Variants in DUSP16 observed in about 807,000 individuals in gnomAD.
The protein encoded by DUSP16 is dual specificity phosphatase 16, also known as dual specificity protein phosphatase 16.
Under a neutral mutation model 58.3 loss-of-function variants are expected in DUSP16, and 21 were observed. The ratio of observed to expected loss-of-function variants is 0.36; its 90% CI spans 0.26 to 0.52. The LOEUF (loss-of-function observed/expected upper bound fraction) is 0.52, where lower values mean the gene tolerates loss of function less well. DUSP16 is among the 20% of genes least tolerant of loss of function. DUSP16 has a pLI of 0.94. For synonymous variants in DUSP16, 320 were observed against 323.8 expected, an observed-to-expected ratio of 0.99 and a Z score of 0.12; for missense variants, 726 against 819.0, an observed-to-expected ratio of 0.89 and a Z score of 1.39.
intron 1 of DUSP16, among the ~76,000 whole-genome samples, chr12:12,557,741 T>C (rs1944830401): frequency 6.6e-6 from 1 of 152,200 alleles, no homozygotes; most frequent in African/African-American, 2.4e-5. Flanking sequence ...TTTAATGTAC[T>C]GTTTACTTGT....
chr12:12,554,600 G>C (rs989488052), intron 1 of DUSP16: 2 of 152,016 alleles, frequency 1.3e-5, no homozygotes, highest in African/African-American at 4.8e-5. Context: ...TCCCACTTCT[G>C]TGTGTTTGTG....
intron 3 of DUSP16, among the ~76,000 whole-genome samples, chr12:12,513,040 G>C (rs1306005104): frequency 6.6e-6 from 1 of 152,192 alleles, no homozygotes; most frequent in Non-Finnish European, 1.5e-5. Context: ...ACTGTCATCA[G>C]AATCTAGATC....
intron 1 of DUSP16, among the ~76,000 whole-genome samples, chr12:12,538,321 G>A (rs1197365057): frequency 6.6e-6 from 1 of 152,144 alleles, no homozygotes; most frequent in African/African-American, 2.4e-5. Context: ...GAGGAGAAAT[G>A]GGAAGTCAGT....
chr12:12,511,846 A>AGCTGGACCTGGTGGTGGAGTGAGT (rs1439877199), intron 3 of DUSP16, among the ~76,000 whole-genome samples: 1 of 151,814 alleles, frequency 6.6e-6, no homozygotes, highest in Non-Finnish European at 1.5e-5. Flanking sequence ...AAAGGGCTGA[A>AGCTGGACCTGGTGGTGGAGTGAGT]GAATATGCTG....
At chr12:12,524,629 T>C (rs1325828502) in intron 1 of DUSP16, among the ~76,000 whole-genome samples, 1 of 152,220 alleles carries the variant, frequency 6.6e-6, no homozygotes. Flanking sequence ...AAGCTAATCT[T>C]ACCCAGAATT....
chr12:12,477,059 C>T lies in DUSP16; in HGVS notation c.1772G>A (p.Gly591Glu). The stretch of plus-strand genomic sequence containing the variant: ...CCTGCGCACAGAATAGACTTGGTCT[C>T]CGCAAGTGGGCAGCTGGCTGCAGCT... ...AYSCSQLPTC[G>E]DQVYSVRRRQ... Residue 591 changes from glycine to glutamate, a missense_variant, in exon 7 of 7, where the codon GGA (glycine) becomes GAA (glutamate). Gly to Glu is a moderately conservative substitution (Grantham distance 98). Coordinates refer to ENST00000298573, the MANE Select transcript of DUSP16 (RefSeq NM_030640.3). This position sits in a 1 kb window ranked among gnomAD's most constrained non-coding sequence, Gnocchi z 4.1. 1.9e-6 allele frequency: 3 copies of T among 1,614,276 alleles called. No homozygotes were observed. The highest frequency in any genetic ancestry group is 1.3e-5 in the African/African-American group (1 of 75,074).
At chr12:12,493,784 T>C (rs771486794) in intron 4 of DUSP16, among the ~76,000 whole-genome samples, 1 of 152,182 alleles carries the variant, frequency 6.6e-6, no homozygotes, top group Non-Finnish European at 1.5e-5. Context: ...TTAGGCCACT[T>C]TGATCACCCA....
At chr12:12,524,693 C>T (rs1326150555) in intron 1 of DUSP16, among the ~76,000 whole-genome samples, 1 of 152,164 alleles carries the variant, frequency 6.6e-6, no homozygotes, top group Non-Finnish European at 1.5e-5. Flanking sequence ...AGGCTCAAGT[C>T]CATAGAACAA....
At chr12:12,556,775 G>C (rs1396340548) in intron 1 of DUSP16, among the ~76,000 whole-genome samples, 1 of 152,082 alleles carries the variant, frequency 6.6e-6, no homozygotes, top group East Asian at 1.9e-4. Context: ...GAAAGATCAA[G>C]ACTTCCCCAT....
intron 3 of DUSP16, among the ~76,000 whole-genome samples, chr12:12,515,405 G>A (rs375427726): frequency 1.3e-5 from 2 of 150,618 alleles, no homozygotes; most frequent in African/African-American, 2.4e-5. Flanking sequence ...TTGGCTCACC[G>A]CAACCTCTAC....
chr12:12,487,239 ATCATTCTG>A (rs1239869455), intron 4 of DUSP16, 52 bp from the exon 5 acceptor site: 2 of 1,573,034 alleles, frequency 1.3e-6, no homozygotes, highest in African/African-American at 2.7e-5. Context: ...AGTAAACATG[ATCATTCTG>A]AAAGAGTGAA....
rs937000050 is a variant in DUSP16 at position 12,476,739 on chromosome 12, T to C, written c.*94A>G. 11 of 1,206,828 alleles carry C rather than the reference T, an allele frequency of 9.1e-6. 1 individual carries two copies. The South Asian group carries it at 1.5e-4, about 17-fold the overall frequency. The allele number at this position is 1,206,828 out of a possible 1,614,324, so 74.8% of individuals were successfully genotyped here. Reference sequence around the variant, plus strand: ...CATAGCTCCATTTTCCAAAAATATATATGTATGTACATATATATATTTCAG... The same window carrying C: ...CATAGCTCCATTTTCCAAAAATATACATGTATGTACATATATATATTTCAG... On this transcript the variant is annotated 3_prime_UTR_variant, in exon 7 of 7. Transcript: ENST00000298573.
intron 3 of DUSP16, among the ~76,000 whole-genome samples, chr12:12,514,847 C>T (rs1372730409): frequency 2.6e-5 from 4 of 152,004 alleles, no homozygotes; most frequent in African/African-American, 4.8e-5. Flanking sequence ...CTAGTACAGA[C>T]GAGGTCTCTC....
rs550127818 is a variant in DUSP16, at chr12:12,514,475, AT to A, written c.367+5386del. Among the ~76,000 whole-genome samples, 24 of 152,292 alleles carry A rather than the reference AT, an allele frequency of 1.6e-4. No individual in the cohort carries two copies. In the South Asian group the frequency reaches 3.3e-3, roughly 21 times the overall value. ...TTTTCTGATCCTTTTTCTTTAGTCA[AT>A]ATCTAAAGTTTAGCAGTAACACGAA... On this transcript the variant is annotated intron_variant, in intron 3 of 6. Coordinates refer to ENST00000298573, the MANE Select transcript of DUSP16 (RefSeq NM_030640.3).
At chr12:12,478,062 T>G (rs1028381637) in intron 6 of DUSP16, 47 bp from the exon 7 acceptor site, 2 of 1,407,062 alleles carry the variant, frequency 1.4e-6, no homozygotes, top group Middle Eastern at 1.9e-4. Context: ...CAACTACACT[T>G]TATCTTAAGA....
Position 12,507,838 on chromosome 12 carries a change from A to T in DUSP16, c.368-7156T>A, listed in dbSNP as rs191910161. Among the ~76,000 whole-genome samples, 639 of 152,310 alleles carry T rather than the reference A, an allele frequency of 4.2e-3. 7 individuals carry two copies. The highest frequency in any genetic ancestry group is 0.014 in the African/African-American group (578 of 41,578). On this transcript the variant is annotated intron_variant, in intron 3 of 6. Coordinates refer to ENST00000298573, the MANE Select transcript of DUSP16 (RefSeq NM_030640.3). ...TGGTCAGGCTGGTCTCGAACTCCCA[A>T]CCTCAGGTGATCAGCCCGCCTTGGC...
chr12:12,521,088 T>C lies in DUSP16; in HGVS notation c.11A>G (p.Glu4Gly), dbSNP rs1259493005. The change falls in exon 2 of 7, where the codon GAG becomes GGG. Residue 4 changes from glutamate to glycine, a missense_variant. Physicochemically the swap from Glu to Gly is moderately conservative, Grantham distance 98. Coordinates refer to ENST00000298573, the MANE Select transcript of DUSP16 (RefSeq NM_030640.3). MAH[E>G]MIGTQIVTER... is the part of the protein sequence containing the mutation. ...AGTAACAATTTGAGTTCCAATCATC[T>C]CATGGGCCATGACAACAATAAGTCC... 1.9e-6 allele frequency: 3 copies of C among 1,614,120 alleles called. No individual in the cohort carries two copies. The Admixed American group carries it at 5.0e-5, about 27-fold the overall frequency.
Position 12,474,095 on chromosome 12 carries a change from C to A in DUSP16, c.*2738G>T, listed in dbSNP as rs1565957481. 6.6e-6 allele frequency: 1 copy of A among 152,242 alleles called. No homozygotes were observed. Among genetic ancestry groups the A allele is most frequent in the African/African-American group, 2.4e-5 (1 of 41,466 alleles). 9.4% of individuals were successfully genotyped at this position (152,242 alleles called of 1,614,324 possible). On this transcript the variant is annotated 3_prime_UTR_variant, in exon 7 of 7. Transcript: ENST00000298573. Reference sequence around the variant, plus strand: ...CGGAATAAACCTGATGACACCACCACTTTATTTTGAGCTAAATCCTCATTT... The same window carrying A: ...CGGAATAAACCTGATGACACCACCAATTTATTTTGAGCTAAATCCTCATTT...
At chr12:12,509,336 ACCT>A (rs1281008589) in intron 3 of DUSP16, among the ~76,000 whole-genome samples, 2 of 151,608 alleles carry the variant, frequency 1.3e-5, no homozygotes, top group African/African-American at 4.9e-5. Context: ...CACAAGTTAC[ACCT>A]CTTCTATAGC....
Sources: allele counts gnomAD v4.1 joint callset (sites outside exome capture counted in the v4.1 genomes callset), GRCh38; gene constraint gnomAD v4.1.1; non-coding constraint Gnocchi (gnomAD v3.1); transcripts MANE v1.5; gene names NCBI Gene and HGNC (gene_info 2026-07-23, HGNC 2026-07-21).